Variants in INTS7 observed in about 807,000 individuals in gnomAD.
The protein encoded by INTS7 is chromosome 1 open reading frame 73.
In INTS7, 46 loss-of-function variants were observed where a neutral mutation model predicts 109.2. The observed-to-expected ratio is 0.42, with a 90% CI of 0.33 to 0.54. The LOEUF (loss-of-function observed/expected upper bound fraction) is 0.54, where lower values mean the gene tolerates loss of function less well. INTS7 is among the 20% of genes least tolerant of loss of function. The pLI is 0.07. For missense variants in INTS7, 929 were observed against 1,132.4 expected (o/e 0.82, Z 2.58); for synonymous variants, 412 against 402.9 (o/e 1.02, Z -0.27).
chr1:212,023,217 A>T (rs1666782378), intron 1 of INTS7, among the ~76,000 whole-genome samples: 1 of 152,168 alleles, frequency 6.6e-6, no homozygotes, highest in African/African-American at 2.4e-5. Context: ...TAAACATATG[A>T]GTACATGTGT....
Position 212,035,438 on chromosome 1 carries a change from GA to G in INTS7, c.-2del. 1 of 1,609,500 alleles carries G rather than the reference GA, an allele frequency of 6.2e-7. No individual in the cohort carries two copies. The highest frequency in any genetic ancestry group is 1.7e-5 in the Admixed American group (1 of 60,030). ...AAGACTTAGTTGAGTTTGACGCCAT[GA>G]CCCGAATAGTTACTCGACTAGCCTA... On this transcript the variant is annotated 5_prime_UTR_variant, in exon 1 of 20. Transcript: ENST00000366994.
chr1:211,959,501 C>T lies in INTS7; in HGVS notation c.2184-6800G>A, dbSNP rs781684869. Among the ~76,000 whole-genome samples, 1 of 152,148 alleles carries T rather than the reference C, an allele frequency of 6.6e-6. No individual in the cohort carries two copies. The highest frequency in any genetic ancestry group is 1.5e-5 in the Non-Finnish European group (1 of 68,010). On this transcript the variant is annotated intron_variant, in intron 16 of 19. Coordinates refer to ENST00000366994, the MANE Select transcript of INTS7 (RefSeq NM_015434.4). This position sits in a 1 kb window ranked among gnomAD's most constrained non-coding sequence, Gnocchi z 4.2. ...TGGGCCGGCTCACCTGCTCCCTCCC[C>T]GTACTGGCAGCTTTCCCTGGGCCCA...
intron 3 of INTS7, among the ~76,000 whole-genome samples, chr1:212,018,503 T>TAAAAAA (rs11423688): frequency 6.8e-6 from 1 of 146,596 alleles, no homozygotes; most frequent in Admixed American, 6.8e-5. Flanking sequence ...ATCTTTTGAT[T>TAAAAAA]AAAAAAAAAA....
intron 7 of INTS7, among the ~76,000 whole-genome samples, chr1:211,995,368 CTG>C (rs1466144184): frequency 6.6e-6 from 1 of 152,094 alleles, no homozygotes; most frequent in Non-Finnish European, 1.5e-5. Context: ...AAGAGGTAAA[CTG>C]TTTTTTCTTT....
intron 1 of INTS7, among the ~76,000 whole-genome samples, chr1:212,030,036 G>C (rs1308109853): frequency 6.6e-6 from 1 of 152,174 alleles, no homozygotes. Context: ...GTATGCACAT[G>C]AGAATACTAA....
At chr1:211,950,133 T>G (rs1422416662) in intron 17 of INTS7, among the ~76,000 whole-genome samples, 1 of 152,224 alleles carries the variant, frequency 6.6e-6, no homozygotes, top group Non-Finnish European at 1.5e-5. Context: ...ATGGACAACT[T>G]GAGGGAAGAT....
intron 7 of INTS7, among the ~76,000 whole-genome samples, chr1:211,994,795 C>T (rs1475038028): frequency 7.0e-6 from 1 of 143,698 alleles, no homozygotes; most frequent in Non-Finnish European, 1.5e-5. Context: ...AAAAAAAAAA[C>T]AAAACAAAAC....
At position 212,017,033 on chromosome 1, in the gene INTS7, C is replaced by T; in HGVS notation, c.372-10G>A. 6.4e-7 allele frequency: 1 copy of T among 1,560,508 alleles called. No individual in the cohort carries two copies. The highest frequency in any genetic ancestry group is 1.2e-5 in the South Asian group (1 of 81,432). The stretch of plus-strand genomic sequence containing the variant: ...CAGACTTCCCAACATCCTACAGAAA[C>T]AGAGAAACCCAAGAAGATCGGGCAT... On this transcript the variant is annotated splice_polypyrimidine_tract_variant and intron_variant, in intron 3 of 19. Coordinates refer to ENST00000366994, the MANE Select transcript of INTS7 (RefSeq NM_015434.4).
rs116680092 is a variant in INTS7, at chr1:211,942,615, T to C, written c.2602-504A>G. 0.02 allele frequency among the ~76,000 whole-genome samples: 3,122 copies of C among 152,308 alleles called. 116 individuals carry two copies. The highest frequency in any genetic ancestry group is 0.07 in the African/African-American group (2,916 of 41,556). On this transcript the variant is annotated intron_variant, in intron 19 of 19. Coordinates refer to ENST00000366994, the MANE Select transcript of INTS7 (RefSeq NM_015434.4). This position sits in a 1 kb window ranked among gnomAD's most constrained non-coding sequence, Gnocchi z 4.2. ...TTAGGTTCCCCCCCAACAGTTAGTC[T>C]GATTTTTATTACTTAATGTAGTGAT...
At chr1:211,947,003 T>TC (rs1662875241) in intron 17 of INTS7, among the ~76,000 whole-genome samples, 1 of 152,226 alleles carries the variant, frequency 6.6e-6, no homozygotes. Flanking sequence ...GAACTATCAG[T>TC]ATATTATTAA....
intron 11 of INTS7, among the ~76,000 whole-genome samples, chr1:211,977,559 A>G (rs888415431): frequency 2.0e-5 from 3 of 152,266 alleles, no homozygotes; most frequent in Non-Finnish European, 4.4e-5. Context: ...AGGATTAAAC[A>G]TAAAACAGGC....
chr1:212,006,668 G>C lies in INTS7; in HGVS notation c.850C>G (p.Pro284Ala). ...ATATTCTCCCTACTCCAAGTATGTG[G>C]TGTTTTATTAGCAAGTAATTTCAGA... ...QDLKLLANKT[P>A]HTWSRENIQA... is the part of the protein sequence containing the mutation. Residue 284 changes from proline to alanine, a missense_variant, in exon 7 of 20, where the codon CCA becomes GCA. Physicochemically the swap from Pro to Ala is conservative, Grantham distance 27. This residue lies in a region of INTS7 where 787 missense variants were observed against 901.1 expected (regional missense o/e 0.87). Coordinates refer to ENST00000366994, the MANE Select transcript of INTS7 (RefSeq NM_015434.4). 1 of 1,577,024 alleles carries C rather than the reference G, an allele frequency of 6.3e-7. No homozygotes were observed. The highest frequency in any genetic ancestry group is 8.7e-7 in the Non-Finnish European group (1 of 1,148,912).
intron 1 of INTS7, among the ~76,000 whole-genome samples, chr1:212,032,888 TGAG>T (rs1667234862): frequency 6.6e-6 from 1 of 152,226 alleles, no homozygotes; most frequent in African/African-American, 2.4e-5. Flanking sequence ...TCCACTTGAT[TGAG>T]GAGGTCTTTC....
intron 11 of INTS7, 145 bp downstream of exon 11, chr1:211,978,127 G>T: frequency 1.1e-6 from 1 of 926,574 alleles, no homozygotes; most frequent in Non-Finnish European, 1.7e-6. Context: ...TTTGACATCA[G>T]CACACTCTTT....
intron 1 of INTS7, among the ~76,000 whole-genome samples, chr1:212,027,894 T>G (rs1297336095): frequency 6.6e-6 from 1 of 152,076 alleles, no homozygotes; most frequent in African/African-American, 2.4e-5. Context: ...TGGCGCAATC[T>G]CAGCTCACTG....
In INTS7 at chr1:212,021,002, G is replaced by A. The variant is rs1459857966; in HGVS notation, c.224+81C>T. On this transcript the variant is annotated intron_variant, in intron 2 of 19. Coordinates refer to ENST00000366994, the MANE Select transcript of INTS7 (RefSeq NM_015434.4). ...AACTAACCAGGTGGAAGTACTAAAA[G>A]GCAAAAAGAAAAAGACCACAATATA... The A allele has an allele frequency of 3.0e-6, 4 of 1,325,660 alleles. No homozygotes were observed. The African/African-American group carries it at 4.5e-5, about 15-fold the overall frequency. 82.1% of individuals were successfully genotyped at this position (1,325,660 alleles called of 1,614,324 possible). A position where few individuals can be genotyped will look rare whatever the true frequency, so the allele number is the denominator to read the frequency against.
rs1455409163 is a variant in INTS7 at position 212,035,410 on chromosome 1, G to C, written c.28C>G (p.Leu10Val). The C allele has an allele frequency of 6.2e-7, 1 of 1,613,862 alleles. No homozygotes were observed. The highest frequency in any genetic ancestry group is 2.2e-5 in the East Asian group (1 of 44,898). MASNSTKSF[L>V]ADAGYGEQEL... ...TGTTCGCCATAGCCGGCATCTGCCA[G>C]GAAAGACTTAGTTGAGTTTGACGCC... is the stretch of plus-strand genomic sequence containing the variant. Residue 10 changes from leucine (L) to valine (V), a missense_variant, in exon 1 of 20, where the codon CTG becomes GTG. Physicochemically the swap from Leu to Val is conservative, Grantham distance 32. Around this residue, in one of 2 missense-constraint regions of INTS7, gnomAD observed 142 missense variants for 231.4 expected, o/e 0.61. Coordinates refer to ENST00000366994, the MANE Select transcript of INTS7 (RefSeq NM_015434.4).
intron 4 of INTS7, chr1:212,011,640 C>G (rs974491985): frequency 2.0e-6 from 1 of 507,620 alleles, no homozygotes; most frequent in Admixed American, 3.8e-5. Flanking sequence ...TGCTCTAAAG[C>G]AGCTCACTTA....
intron 7 of INTS7, among the ~76,000 whole-genome samples, chr1:212,003,676 CAAT>C (rs994471844): frequency 3.5e-4 from 53 of 151,952 alleles, no homozygotes; most frequent in African/African-American, 1.1e-3. Flanking sequence ...TTATACAAGA[CAAT>C]AATACATAAA....
Sources: gnomAD v4.1 joint callset for allele counts (sites outside exome capture counted in the v4.1 genomes callset) on GRCh38, gnomAD v4.1.1 for gene constraint, gnomAD v4.1.1 regional missense constraint, Gnocchi (gnomAD v3.1) non-coding constraint, MANE v1.5 for transcripts, NCBI Gene and HGNC (gene_info 2026-07-23, HGNC 2026-07-21) for gene names.